Variants in ELMOD3 observed in about 807,000 individuals in gnomAD.
ELMOD3 encodes the protein ELMO domain containing 3, also known as ELMO domain-containing protein 3.
ELMOD3 carries 36 observed loss-of-function variants against 47.4 expected under a neutral mutation model. The ratio of observed to expected loss-of-function variants is 0.76; its 90% confidence interval spans 0.58 to 1.00. ELMOD3 has a LOEUF of 1.00. Among genes scored for constraint, ELMOD3 ranks in the 50% least tolerant of loss-of-function variants. ELMOD3 has a pLI of 0.00. For synonymous variants in ELMOD3, 149 were observed against 183.5 expected (o/e 0.81, Z 1.52); for missense variants, 404 against 463.8 (o/e 0.87, Z 1.18).
At chr2:85,374,449 C>A (rs1027904993) in intron 10 of ELMOD3, among the ~76,000 whole-genome samples, 4 of 152,172 alleles carry the variant, frequency 2.6e-5, no homozygotes, top group Non-Finnish European at 5.9e-5. Flanking sequence ...TCAAGCAATT[C>A]TCCTGCCTCA....
chr2:85,375,536 G>C (rs1685111401), intron 10 of ELMOD3, among the ~76,000 whole-genome samples: 1 of 151,882 alleles, frequency 6.6e-6, no homozygotes, highest in African/African-American at 2.4e-5. Context: ...GTTTCCATTT[G>C]GTTCTTCTTT....
At chr2:85,361,747 G>T (rs915391994) in intron 4 of ELMOD3, among the ~76,000 whole-genome samples, 1 of 152,062 alleles carries the variant, frequency 6.6e-6, no homozygotes, top group South Asian at 2.1e-4. Context: ...GGCTAACACG[G>T]TGAAACCCCG....
intron 11 of ELMOD3, among the ~76,000 whole-genome samples, chr2:85,382,746 C>T (rs1685658060): frequency 6.6e-6 from 1 of 152,014 alleles, no homozygotes; most frequent in South Asian, 2.1e-4. Context: ...GAACTCTGGA[C>T]CTCAGGTGAT....
At chr2:85,377,824 G>A (rs552542752) in intron 11 of ELMOD3, among the ~76,000 whole-genome samples, 30 of 152,236 alleles carry the variant, frequency 2.0e-4, no homozygotes, top group African/African-American at 7.0e-4. Context: ...GTTTTGCCAC[G>A]AGAGTACACT....
At chr2:85,375,745 C>T (rs1415039112) in intron 10 of ELMOD3, among the ~76,000 whole-genome samples, 1 of 152,184 alleles carries the variant, frequency 6.6e-6, no homozygotes, top group Non-Finnish European at 1.5e-5. Flanking sequence ...AAGTCTGACT[C>T]AGGTCTTACT....
intron 10 of ELMOD3, 110 bp downstream of exon 10, chr2:85,371,672 G>A (rs923183810): frequency 2.3e-5 from 34 of 1,492,698 alleles, no homozygotes; most frequent in Admixed American, 4.0e-5. Context: ...TCTTGGGGGA[G>A]TATTCCGGGA....
chr2:85,373,776 T>C (rs1484157355), intron 10 of ELMOD3, among the ~76,000 whole-genome samples: 1 of 148,438 alleles, frequency 6.7e-6, no homozygotes, highest in African/African-American at 2.5e-5. Flanking sequence ...GACGTGGAGG[T>C]TGCAGTGAGC....
intron 6 of ELMOD3, among the ~76,000 whole-genome samples, chr2:85,365,239 A>G (rs993109060): frequency 1.3e-5 from 2 of 151,718 alleles, no homozygotes; most frequent in African/African-American, 4.8e-5. Flanking sequence ...TCTCTACCAA[A>G]AATACAAAAA....
intron 10 of ELMOD3, chr2:85,377,007 A>G (rs1685203739): frequency 6.1e-6 from 1 of 165,168 alleles, no homozygotes; most frequent in African/African-American, 2.4e-5. Flanking sequence ...AGGAATAGGC[A>G]GAAAGTGCAT....
At chr2:85,390,460 C>A (rs1686267815) in intron 13 of ELMOD3, 195 bp downstream of exon 13, 1 of 1,614,074 alleles carries the variant, frequency 6.2e-7, no homozygotes, top group Non-Finnish European at 8.5e-7. Flanking sequence ...GACTGTCGCC[C>A]TTTTCTGGTC....
intron 7 of ELMOD3, 94 bp from the exon 8 acceptor site, chr2:85,369,645 C>T (rs964056108): frequency 7.6e-7 from 1 of 1,310,456 alleles, no homozygotes; most frequent in African/African-American, 1.5e-5. Context: ...GAAGCCAGTG[C>T]TTGGCTTGGA....
intron 11 of ELMOD3, among the ~76,000 whole-genome samples, chr2:85,385,765 A>G (rs926831478): frequency 1.3e-5 from 2 of 151,756 alleles, no homozygotes; most frequent in African/African-American, 2.4e-5. Flanking sequence ...AGAGTAACAC[A>G]GTCTAACTTA....
chr2:85,384,394 A>G (rs961961684), intron 11 of ELMOD3, among the ~76,000 whole-genome samples: 3 of 152,170 alleles, frequency 2.0e-5, no homozygotes, highest in Non-Finnish European at 4.4e-5. Context: ...CAGGGGTAGC[A>G]TCTCTTGGCC....
intron 6 of ELMOD3, among the ~76,000 whole-genome samples, chr2:85,364,824 T>TATA (rs1164995434): frequency 1.6e-4 from 14 of 88,602 alleles, no homozygotes; most frequent in Non-Finnish European, 2.8e-4. Flanking sequence ...TATATATATA[T>TATA]ATTTTTTTTT....
intron 10 of ELMOD3, among the ~76,000 whole-genome samples, chr2:85,375,882 A>G (rs527475570): frequency 6.6e-6 from 1 of 152,336 alleles, no homozygotes; most frequent in East Asian, 1.9e-4. Flanking sequence ...CTTCAAAGCC[A>G]GAAACAGCAT....
Position 85,390,191 on chromosome 2 carries a change from C to A in ELMOD3, c.869C>A (p.Ala290Asp), listed in dbSNP as rs1356380246. Residue 290 changes from alanine (A) to aspartate (D), a missense_variant, in exon 13 of 14, where the codon GCC (alanine) becomes GAC (aspartate). Ala to Asp is a moderately radical substitution (Grantham distance 126). Coordinates refer to ENST00000409013, the MANE Select transcript of ELMOD3 (RefSeq NM_001135022.2). ...VIPVVNSFYA[A>D]TFLHLAHVWR... Reference sequence around the variant, plus strand: ...CCCGTGGTGAACAGCTTCTATGCCGCCACATTCCTCCACCTCGCACATGTC... The same window carrying A: ...CCCGTGGTGAACAGCTTCTATGCCGACACATTCCTCCACCTCGCACATGTC... 7 of 1,614,234 alleles carry A rather than the reference C, an allele frequency of 4.3e-6. No individual in the cohort carries two copies. Among genetic ancestry groups the A allele is most frequent in the Non-Finnish European group, 5.9e-6 (7 of 1,180,044 alleles).
rs889008791 is a variant in ELMOD3 at position 85,391,554 on chromosome 2, CT to C, written c.*593del. The C allele has an allele frequency of 3.9e-5, 6 of 153,692 alleles. No individual in the cohort carries two copies. The highest frequency in any genetic ancestry group is 1.2e-4 in the African/African-American group (5 of 41,470). The allele number at this position is 153,692 out of a possible 1,614,324, so 9.5% of individuals were successfully genotyped here. ...TTCACTTACCCACTCTCTTCTCCCC[CT>C]GACCCCCGCTCCATTGTTTATGATG... On this transcript the variant is annotated 3_prime_UTR_variant, in exon 14 of 14. Coordinates refer to ENST00000409013, the MANE Select transcript of ELMOD3 (RefSeq NM_001135022.2).
rs939707606 is a variant in ELMOD3 at position 85,354,832 on chromosome 2, G to A, written c.-372+3G>A. On this transcript the variant is annotated splice_donor_region_variant and intron_variant, in intron 1 of 13. Coordinates refer to ENST00000409013, the MANE Select transcript of ELMOD3 (RefSeq NM_001135022.2). ...AAGTTTGGAAAGCTCTTTTAACGGT[G>A]AGAACGCGTTAACACTTGCCAAGGG... 16 of 255,784 alleles carry A rather than the reference G, an allele frequency of 6.3e-5. No individual in the cohort carries two copies. Among genetic ancestry groups the A allele is most frequent in the African/African-American group, 3.6e-4 (16 of 44,088 alleles). 15.8% of individuals were successfully genotyped at this position (255,784 alleles called of 1,614,324 possible).
intron 11 of ELMOD3, 139 bp downstream of exon 11, chr2:85,377,613 T>G: frequency 7.3e-6 from 6 of 826,816 alleles, no homozygotes; most frequent in Non-Finnish European, 1.1e-5. Flanking sequence ...AAATATGAGC[T>G]GTACCGCTCA....
Sources: gnomAD v4.1 joint callset for allele counts (sites outside exome capture counted in the v4.1 genomes callset) on GRCh38, gnomAD v4.1.1 for gene constraint, MANE v1.5 for transcripts, NCBI Gene and HGNC (gene_info 2026-07-23, HGNC 2026-07-21) for gene names.